The following EFCAB10 variants were observed in gnomAD, a reference collection of about 807,000 sequenced individuals.
The protein encoded by EFCAB10 is EF-hand calcium-binding domain-containing protein 10.
In EFCAB10, 7 loss-of-function variants were observed where a neutral mutation model predicts 7.7. The ratio of observed to expected loss-of-function variants is 0.91; its 90% CI spans 0.52 to 1.72. The LOEUF is 1.72. Ranked by LOEUF, EFCAB10 falls within the 40% of genes most tolerant of loss-of-function variation. The probability of loss-of-function intolerance (pLI) is 0.00; values close to 1 mark genes in which losing one functional copy is unlikely to be tolerated. For synonymous variants in EFCAB10, 52 were observed against 21.0 expected (o/e 2.47, Z -4.03); for missense variants, 112 against 61.5 (o/e 1.82, Z -2.74).
intron 1 of EFCAB10, among the ~76,000 whole-genome samples, chr7:105,570,701 A>AAG (rs1439099291): frequency 6.6e-6 from 1 of 151,996 alleles, no homozygotes; most frequent in African/African-American, 2.4e-5. Flanking sequence ...ATGAGCCACC[A>AAG]TGCTTGGCCA....
chr7:105,565,507 A>G, intron 4 of EFCAB10, 60 bp from the exon 5 acceptor site: 2 of 1,610,676 alleles, frequency 1.2e-6, no homozygotes, highest in Non-Finnish European at 1.7e-6. Flanking sequence ...GACAACTGTT[A>G]TATGAATTAT....
intron 1 of EFCAB10, among the ~76,000 whole-genome samples, chr7:105,576,437 CTCA>C (rs949586433): frequency 6.7e-6 from 1 of 148,192 alleles, no homozygotes; most frequent in Admixed American, 6.6e-5. Context: ...TTAAGGAATT[CTCA>C]TCATCATTAT....
At chr7:105,570,946 A>T (rs1193122829) in intron 1 of EFCAB10, 1 of 152,012 alleles carries the variant, frequency 6.6e-6, no homozygotes, top group Non-Finnish European at 1.5e-5. Flanking sequence ...AATGGCGTGA[A>T]CCTGGGAGGT....
chr7:105,569,294 T>C lies in EFCAB10; in HGVS notation c.272-4A>G, dbSNP rs143322866. 2.9e-6 allele frequency: 2 copies of C among 699,282 alleles called. No individual in the cohort carries two copies. Among genetic ancestry groups the C allele is most frequent in the Non-Finnish European group, 5.2e-6 (2 of 384,266 alleles). 43.3% of individuals were successfully genotyped at this position (699,282 alleles called of 1,614,324 possible). ...CATAGACCCAGGGTTTTTAGGGCTG[T>C]AAAATAATGAGAAGAAATGAAGTGA... On this transcript the variant is annotated splice_region_variant and splice_polypyrimidine_tract_variant and intron_variant, in intron 2 of 4. Coordinates refer to ENST00000480514, the MANE Select transcript of EFCAB10 (RefSeq NM_001355526.2).
intron 3 of EFCAB10, 123 bp from the exon 4 acceptor site, chr7:105,567,613 GTGC>G: frequency 1.8e-6 from 1 of 557,048 alleles, no homozygotes; most frequent in Non-Finnish European, 3.2e-6. Flanking sequence ...TCAATTTCCT[GTGC>G]TAATTAAGGG....
chr7:105,570,240 AATATATATATAT>A (rs1190599721), intron 1 of EFCAB10, among the ~76,000 whole-genome samples: 6 of 24,886 alleles, frequency 2.4e-4, no homozygotes, highest in African/African-American at 2.9e-4. Flanking sequence ...AAAAAAAAAA[AATATATATATAT>A]ATATATATAT....
intron 1 of EFCAB10, among the ~76,000 whole-genome samples, chr7:105,570,600 G>A (rs1032688471): frequency 1.3e-5 from 2 of 151,708 alleles, no homozygotes; most frequent in African/African-American, 4.8e-5. Context: ...GTTAGAGACA[G>A]GATCTTGCTA....
chr7:105,567,729 C>G, intron 3 of EFCAB10: 1 of 454,916 alleles, frequency 2.2e-6, no homozygotes. Context: ...TGGGAATTAA[C>G]TGTATTTCCA....
chr7:105,572,529 C>T (rs1791976206), intron 1 of EFCAB10: 1 of 152,200 alleles, frequency 6.6e-6, no homozygotes. Flanking sequence ...ATTTCATTTC[C>T]TGTGGATATA....
intron 1 of EFCAB10, among the ~76,000 whole-genome samples, chr7:105,575,390 C>A (rs1181044229): frequency 2.0e-5 from 3 of 152,078 alleles, no homozygotes; most frequent in Non-Finnish European, 2.9e-5. Context: ...CTTACTGCAA[C>A]CTTTGCCTCC....
At chr7:105,570,788 G>A (rs1418164632) in intron 1 of EFCAB10, among the ~76,000 whole-genome samples, 4 of 152,180 alleles carry the variant, frequency 2.6e-5, no homozygotes, top group Admixed American at 6.5e-5. Context: ...ACTTTGGGAC[G>A]CCGAGGCAGG....
intron 1 of EFCAB10, chr7:105,571,519 T>C (rs1440319744): frequency 6.6e-6 from 1 of 152,224 alleles, no homozygotes; most frequent in Non-Finnish European, 1.5e-5. Flanking sequence ...AAAGCACAAG[T>C]TGACCGGTCA....
intron 1 of EFCAB10, among the ~76,000 whole-genome samples, chr7:105,579,046 G>T (rs113247151): frequency 0.045 from 6,840 of 152,232 alleles, 549 homozygotes; most frequent in African/African-American, 0.16. Context: ...GTGTTGGGAG[G>T]TGTGAGCCTC....
At chr7:105,573,281 T>G (rs1791994119) in intron 1 of EFCAB10, 1 of 152,204 alleles carries the variant, frequency 6.6e-6, no homozygotes, top group African/African-American at 2.4e-5. Flanking sequence ...TCACATTTTG[T>G]ATGAGGTCTT....
intron 1 of EFCAB10, among the ~76,000 whole-genome samples, chr7:105,579,385 T>C (rs1449157817): frequency 6.6e-6 from 1 of 152,052 alleles, no homozygotes; most frequent in African/African-American, 2.4e-5. Flanking sequence ...GTGGGGGTAA[T>C]TACCCAATGA....
In EFCAB10 at chr7:105,567,234, G is replaced by A. The variant is rs1163685108; in HGVS notation, c.383+233C>T. 1 of 1,613,436 alleles carries A rather than the reference G, an allele frequency of 6.2e-7. No individual in the cohort carries two copies. Among genetic ancestry groups the A allele is most frequent in the African/African-American group, 1.3e-5 (1 of 74,914 alleles). On this transcript the variant is annotated intron_variant, in intron 4 of 4. Transcript: ENST00000480514. ...TGCCACAGCAGCATTAAATGAAGTT[G>A]GAATTTACAAACTGGCTCAACAAGA...
In EFCAB10 at chr7:105,569,555, A is replaced by G; in HGVS notation, c.123T>C (p.Tyr41=). 1 of 692,402 alleles carries G rather than the reference A, an allele frequency of 1.4e-6. No homozygotes were observed. Among genetic ancestry groups the G allele is most frequent in the Non-Finnish European group, 2.6e-6 (1 of 382,588 alleles). The allele number at this position is 692,402 out of a possible 1,614,324, so 42.9% of individuals were successfully genotyped here. The change falls in exon 2 of 5, where the codon TAT becomes TAC. Residue 41 remains tyrosine (Y), a synonymous_variant. Coordinates refer to ENST00000480514, the MANE Select transcript of EFCAB10 (RefSeq NM_001355526.2). ...TCAGTCGTTCCAATAGAGATATTAAATATTCTTTTGGTTTTTCTGCAAAAG... is the reference window on the plus strand; with the variant it reads ...TCAGTCGTTCCAATAGAGATATTAAGTATTCTTTTGGTTTTTCTGCAAAAG... ...LFFRPEKPKE[Y]LISLLERLRI... is the part of the protein sequence containing the mutation.
In EFCAB10 at chr7:105,575,669, A is replaced by T. The variant is rs1245677407; in HGVS notation, c.106+5689T>A. Among the ~76,000 whole-genome samples the T allele has an allele frequency of 3.9e-5, 6 of 152,152 alleles. No homozygotes were observed. The East Asian group carries it at 1.2e-3, about 29-fold the overall frequency. ...CTGTTTCCTCAATAGTAATTGCCCA[A>T]TTAAACTGTCTAGTCTTATTTTCTG... On this transcript the variant is annotated intron_variant, in intron 1 of 4. Transcript: ENST00000480514.
At chr7:105,571,037 ATTT>A (rs1283319177) in intron 1 of EFCAB10, 1 of 151,852 alleles carries the variant, frequency 6.6e-6, no homozygotes, top group African/African-American at 2.4e-5. Context: ...AAAAAAAAAA[ATTT>A]TTTTTAAGTT....
Sources: allele counts gnomAD v4.1 joint callset (sites outside exome capture counted in the v4.1 genomes callset), GRCh38; gene constraint gnomAD v4.1.1; transcripts MANE v1.5; gene names NCBI Gene and HGNC (gene_info 2026-07-23, HGNC 2026-07-21).